The following TMEM168 variants were observed in gnomAD, a reference collection of about 807,000 sequenced individuals.
TMEM168 encodes the protein transmembrane protein 168.
TMEM168 carries 40 observed loss-of-function variants against 53.2 expected under a neutral mutation model. That is an observed-to-expected ratio of 0.75 (90% CI 0.58 to 0.98). The LOEUF is 0.98. Ranked by LOEUF, TMEM168 falls within the 50% of genes least tolerant of loss-of-function variation. TMEM168 has a pLI of 0.00. For missense variants in TMEM168, 771 were observed against 828.8 expected (o/e 0.93, Z 0.86); for synonymous variants, 282 against 293.0 (o/e 0.96, Z 0.38).
rs749469391 is a variant in TMEM168, at chr7:112,772,820, T to C, written c.1507A>G (p.Ser503Gly). 3.1e-6 allele frequency: 5 copies of C among 1,613,948 alleles called. No individual in the cohort carries two copies. In the Admixed American group the frequency reaches 8.3e-5, roughly 27 times the overall value. ...PRHDTYILYY[S>G]GHTHGTGEWA... ...TCTCCTGTACCATGGGTGTGCCCAC[T>C]GTAATACAAAATATACGTATCATGT... Residue 503 changes from serine (S) to glycine (G), a missense_variant, in exon 4 of 5, where the codon AGT becomes GGT. Ser to Gly is a moderately conservative substitution (Grantham distance 56). Transcript: ENST00000312814.
chr7:112,771,323 C>G lies in TMEM168; in HGVS notation c.1546+1458G>C, dbSNP rs1455200496. Among the ~76,000 whole-genome samples the G allele has an allele frequency of 5.9e-5, 9 of 152,176 alleles. No homozygotes were observed. In the Middle Eastern group the frequency reaches 0.02, roughly 345 times the overall value. ...GGGGGGAAAAATACACTTTAGGAAT[C>G]AGGCAGATCTGGTCTTAAATCATGG... is the stretch of plus-strand genomic sequence containing the variant. On this transcript the variant is annotated intron_variant, in intron 4 of 4. Coordinates refer to ENST00000312814, the MANE Select transcript of TMEM168 (RefSeq NM_022484.6).
Position 112,784,047 on chromosome 7 carries a change from C to A in TMEM168, c.779G>T (p.Arg260Ile), listed in dbSNP as rs775742666. 6.2e-7 allele frequency: 1 copy of A among 1,611,962 alleles called. No individual in the cohort carries two copies. The highest frequency in any genetic ancestry group is 8.5e-7 in the Non-Finnish European group (1 of 1,179,578). ...ERWKPFLYRG[R>I]ICRRLSVVFA... ...AACGACTGAAAGTCTTCTGCAAATTCTTCCACGGTACAAAAAGGGTTTCCA... is the reference window on the plus strand; with the variant it reads ...AACGACTGAAAGTCTTCTGCAAATTATTCCACGGTACAAAAAGGGTTTCCA... The change falls in exon 2 of 5, where the codon AGA becomes ATA. Residue 260 changes from arginine to isoleucine, a missense_variant. Arg to Ile is a moderately conservative substitution (Grantham distance 97). Transcript: ENST00000312814.
chr7:112,778,969 G>T (rs1204162626), intron 2 of TMEM168, among the ~76,000 whole-genome samples: 1 of 152,140 alleles, frequency 6.6e-6, no homozygotes, highest in Non-Finnish European at 1.5e-5. Context: ...ATTCACTGCA[G>T]CCTTGACCTC....
chr7:112,783,687 A>G lies in TMEM168; in HGVS notation c.1128+11T>C. ...ACGTCATTGGGGTTGCTGGACAAAC[A>G]ATAAGCTTACCTGCCAGGAAACTGC... On this transcript the variant is annotated intron_variant, in intron 2 of 4. Coordinates refer to ENST00000312814, the MANE Select transcript of TMEM168 (RefSeq NM_022484.6). 1 of 1,474,356 alleles carries G rather than the reference A, an allele frequency of 6.8e-7. No individual in the cohort carries two copies. Among genetic ancestry groups the G allele is most frequent in the Non-Finnish European group, 9.0e-7 (1 of 1,113,840 alleles). The allele number at this position is 1,474,356 out of a possible 1,614,324, so 91.3% of individuals were successfully genotyped here.
At position 112,767,532 on chromosome 7, in the gene TMEM168, C is replaced by T. The variant is rs1461287810; in HGVS notation, c.1759G>A (p.Asp587Asn). ...IEEADPPQLG[D>N]FTKDWVEYNC... ...TATTCTACCCAGTCTTTTGTAAAGT[C>T]ACCTAGCTGTGGCGGGTCAGCTTCT... Residue 587 changes from aspartate to asparagine, a missense_variant, in exon 5 of 5, where the codon GAC becomes AAC. By Grantham distance (23) the Asp-to-Asn change is conservative (BLOSUM62 1). Transcript: ENST00000312814. 3.7e-6 allele frequency: 6 copies of T among 1,614,174 alleles called. No individual in the cohort carries two copies. The highest frequency in any genetic ancestry group is 1.6e-4 in the Middle Eastern group (1 of 6,062).
chr7:112,765,676 C>T lies in TMEM168; in HGVS notation c.*1521G>A, dbSNP rs952953945. The T allele has an allele frequency of 2.0e-5, 3 of 152,226 alleles. No homozygotes were observed. The highest frequency in any genetic ancestry group is 2.9e-5 in the Non-Finnish European group (2 of 67,988). The allele number at this position is 152,226 out of a possible 1,614,324, so 9.4% of individuals were successfully genotyped here. A position where few individuals can be genotyped will look rare whatever the true frequency, so the allele number is the denominator to read the frequency against. On this transcript the variant is annotated 3_prime_UTR_variant, in exon 5 of 5. Coordinates refer to ENST00000312814, the MANE Select transcript of TMEM168 (RefSeq NM_022484.6). ...AAAACATGGGCATTTTTAATGACTA[C>T]CACTTTTAATAAATATACTAAAATA...
chr7:112,764,101 C>T lies in TMEM168; in HGVS notation c.*3096G>A, dbSNP rs1252494872. On this transcript the variant is annotated 3_prime_UTR_variant, in exon 5 of 5. Coordinates refer to ENST00000312814, the MANE Select transcript of TMEM168 (RefSeq NM_022484.6). ...TGCAACAGTGTGTATGCTATTTGCA[C>T]ATGTACCCTAAAACTTAAAGTATAA... 1 of 150,820 alleles carries T rather than the reference C, an allele frequency of 6.6e-6. No homozygotes were observed. The highest frequency in any genetic ancestry group is 1.5e-5 in the Non-Finnish European group (1 of 67,736). The allele number at this position is 150,820 out of a possible 1,614,324, so 9.3% of individuals were successfully genotyped here. A position where few individuals can be genotyped will look rare whatever the true frequency, so the allele number is the denominator to read the frequency against.
intron 4 of TMEM168, among the ~76,000 whole-genome samples, chr7:112,770,434 C>G (rs1792899821): frequency 6.6e-6 from 1 of 152,162 alleles, no homozygotes; most frequent in African/African-American, 2.4e-5. Context: ...CAGAGGAATT[C>G]TGTAACGGTC....
chr7:112,783,288 A>G lies in TMEM168; in HGVS notation c.1128+410T>C, dbSNP rs73438313. 3.1e-3 allele frequency among the ~76,000 whole-genome samples: 467 copies of G among 152,350 alleles called. 5 individuals are homozygous for G. The highest frequency in any genetic ancestry group is 0.011 in the African/African-American group (446 of 41,584). Reference sequence around the variant, plus strand: ...ACAGTGAGGAGTCCAGGGAATAGACAGAAGTTAAGTAACCTTGTTCCTGCT... The same window carrying G: ...ACAGTGAGGAGTCCAGGGAATAGACGGAAGTTAAGTAACCTTGTTCCTGCT... On this transcript the variant is annotated intron_variant, in intron 2 of 4. Transcript: ENST00000312814.
chr7:112,763,477 T>C lies in TMEM168; in HGVS notation c.*3720A>G, dbSNP rs1018935516. On this transcript the variant is annotated 3_prime_UTR_variant, in exon 5 of 5. Transcript: ENST00000312814. ...TAACTGTGTACCAGAAATACCAACA[T>C]GTGTAAGCCTCTGCCTAAAAAGAGG... 2.6e-4 allele frequency: 39 copies of C among 152,134 alleles called. No homozygotes were observed. Among genetic ancestry groups the C allele is most frequent in the African/African-American group, 8.0e-4 (33 of 41,448 alleles). 9.4% of individuals were successfully genotyped at this position (152,134 alleles called of 1,614,324 possible). A position where few individuals can be genotyped will look rare whatever the true frequency, so the allele number is the denominator to read the frequency against.
intron 2 of TMEM168, 66 bp downstream of exon 2, chr7:112,783,632 T>G: frequency 7.4e-7 from 1 of 1,358,940 alleles, no homozygotes; most frequent in Non-Finnish European, 9.6e-7. Flanking sequence ...ATAACTTTAA[T>G]TTCAATTATT....
intron 4 of TMEM168, among the ~76,000 whole-genome samples, chr7:112,769,453 C>T (rs991796691): frequency 6.6e-6 from 1 of 152,124 alleles, no homozygotes; most frequent in Non-Finnish European, 1.5e-5. Context: ...ATTCCATCTG[C>T]CACAAAACAT....
chr7:112,786,686 A>C (rs1793389006), intron 1 of TMEM168, among the ~76,000 whole-genome samples: 1 of 152,166 alleles, frequency 6.6e-6, no homozygotes, highest in African/African-American at 2.4e-5. Context: ...CTGATGGTAC[A>C]ATCTGGGCTC....
At chr7:112,783,674 T>G in intron 2 of TMEM168, 24 bp downstream of exon 2, 1 of 1,443,648 alleles carries the variant, frequency 6.9e-7, no homozygotes, top group Non-Finnish European at 9.1e-7. Context: ...GTCATTGGGG[T>G]TGCTGGACAA....
chr7:112,788,036 C>G (rs1793440280), intron 1 of TMEM168, among the ~76,000 whole-genome samples: 2 of 152,046 alleles, frequency 1.3e-5, no homozygotes, highest in Admixed American at 1.3e-4. Flanking sequence ...CCGGCCATAT[C>G]CTGCATATTC....
intron 1 of TMEM168, among the ~76,000 whole-genome samples, chr7:112,789,046 T>TCACAC (rs1793471439): frequency 2.0e-5 from 3 of 152,196 alleles, no homozygotes; most frequent in African/African-American, 4.8e-5. Flanking sequence ...CTGCCTTATC[T>TCACAC]GTTACCAGTT....
intron 1 of TMEM168, among the ~76,000 whole-genome samples, chr7:112,785,675 A>T (rs1000288077): frequency 6.6e-6 from 1 of 152,210 alleles, no homozygotes; most frequent in Non-Finnish European, 1.5e-5. Context: ...TCACCCTAAT[A>T]GTCATTATAA....
At chr7:112,781,654 T>C (rs1298567926) in intron 2 of TMEM168, among the ~76,000 whole-genome samples, 2 of 151,668 alleles carry the variant, frequency 1.3e-5, no homozygotes, top group African/African-American at 4.8e-5. Flanking sequence ...ATAGGCGAAA[T>C]GTTAATCTTT....
chr7:112,776,455 C>T (rs1249172137), intron 2 of TMEM168, among the ~76,000 whole-genome samples: 2 of 151,978 alleles, frequency 1.3e-5, no homozygotes, highest in Admixed American at 1.3e-4. Context: ...ATACTATATG[C>T]CTAGGTGCAT....
Sources: gnomAD v4.1 joint callset for allele counts (sites outside exome capture counted in the v4.1 genomes callset) on GRCh38, gnomAD v4.1.1 for gene constraint, MANE v1.5 for transcripts, NCBI Gene and HGNC (gene_info 2026-07-23, HGNC 2026-07-21) for gene names.